Variants in WDPCP observed in about 807,000 individuals in gnomAD.
WDPCP encodes WD repeat-containing and planar cell polarity effector protein fritz homolog.
In WDPCP, 71 loss-of-function variants were observed where a neutral mutation model predicts 93.1. That is an observed-to-expected ratio of 0.76 (90% confidence interval 0.63 to 0.93). The LOEUF (loss-of-function observed/expected upper bound fraction) is 0.93, where lower values mean the gene tolerates loss of function less well. WDPCP is among the 40% of genes least tolerant of loss of function. WDPCP has a pLI of 0.00. For missense variants in WDPCP, 844 were observed against 887.4 expected (o/e 0.95, Z 0.62); for synonymous variants, 315 against 315.0 (o/e 1.00, Z 0.00).
At chr2:63,451,790 A>C (rs1158912812) in intron 6 of WDPCP, among the ~76,000 whole-genome samples, 1 of 152,254 alleles carries the variant, frequency 6.6e-6, no homozygotes, top group Non-Finnish European at 1.5e-5. Flanking sequence ...CTGGTTCAAC[A>C]TATGCAAATC....
intron 10 of WDPCP, among the ~76,000 whole-genome samples, chr2:63,391,172 C>T (rs1693210596): frequency 1.3e-5 from 2 of 152,188 alleles, no homozygotes; most frequent in African/African-American, 4.8e-5. Context: ...TCCAGCAGCA[C>T]ATCAAAAAAG....
At chr2:63,369,457 C>A in intron 12 of WDPCP, 1 of 456,538 alleles carries the variant, frequency 2.2e-6, no homozygotes, top group Non-Finnish European at 4.4e-6. Flanking sequence ...GGTCCTCACT[C>A]ACTGAATAAA....
Position 63,310,063 on chromosome 2 carries a change from G to A in WDPCP, c.1812+3185C>T, listed in dbSNP as rs115726614. Among the ~76,000 whole-genome samples, 1,297 of 152,162 alleles carry A rather than the reference G, an allele frequency of 8.5e-3. 9 individuals carry two copies. Among genetic ancestry groups the A allele is most frequent in the Non-Finnish European group, 0.012 (825 of 68,000 alleles). Reference sequence around the variant, plus strand: ...AAATGTATAAACAATGTAAAGTGAAGTACTACCTAAATATTTGAAAAGTGA... The same window carrying A: ...AAATGTATAAACAATGTAAAGTGAAATACTACCTAAATATTTGAAAAGTGA... On this transcript the variant is annotated intron_variant, in intron 13 of 17. Coordinates refer to ENST00000272321, the MANE Select transcript of WDPCP (RefSeq NM_015910.7).
chr2:63,462,452 A>G (rs1279230980), intron 6 of WDPCP, among the ~76,000 whole-genome samples: 5 of 152,230 alleles, frequency 3.3e-5, no homozygotes, highest in Non-Finnish European at 5.9e-5. Flanking sequence ...ATACATATGC[A>G]ACAAACCTGC....
intron 15 of WDPCP, among the ~76,000 whole-genome samples, chr2:63,173,728 G>C (rs1302496754): frequency 2.6e-5 from 4 of 152,184 alleles, no homozygotes; most frequent in Non-Finnish European, 5.9e-5. Context: ...TTCTTGGGGA[G>C]AGGATTTGCT....
chr2:63,422,116 G>T (rs569586641), intron 9 of WDPCP, among the ~76,000 whole-genome samples: 3 of 152,124 alleles, frequency 2.0e-5, no homozygotes, highest in African/African-American at 7.2e-5. Context: ...TGACTCAGGC[G>T]TAAAATACCA....
chr2:63,362,355 T>A (rs1292015072), intron 12 of WDPCP, among the ~76,000 whole-genome samples: 1 of 131,570 alleles, frequency 7.6e-6, no homozygotes, highest in Non-Finnish European at 1.6e-5. Flanking sequence ...AAGAGGCAGA[T>A]TATCTGGAAA....
chr2:63,775,207 C>T (rs555418617), intron 2 of WDPCP, among the ~76,000 whole-genome samples: 13 of 152,186 alleles, frequency 8.5e-5, no homozygotes, highest in African/African-American at 3.1e-4. Context: ...GATTATTTAC[C>T]CTTTCTTATA....
At chr2:63,317,140 C>T (rs1575126335) in intron 12 of WDPCP, among the ~76,000 whole-genome samples, 1 of 152,060 alleles carries the variant, frequency 6.6e-6, no homozygotes, top group African/African-American at 2.4e-5. Context: ...TTATTCCTAT[C>T]CAACTACTAC....
At chr2:63,264,268 TG>T (rs1385591613) in intron 13 of WDPCP, among the ~76,000 whole-genome samples, 1 of 152,166 alleles carries the variant, frequency 6.6e-6, no homozygotes, top group African/African-American at 2.4e-5. Context: ...TGAAAGTAAA[TG>T]GATGGGAAAA....
At chr2:63,796,766 A>T (rs1558912924) in intron 2 of WDPCP, among the ~76,000 whole-genome samples, 1 of 152,228 alleles carries the variant, frequency 6.6e-6, no homozygotes, top group African/African-American at 2.4e-5. Context: ...AAGGCAGTCT[A>T]GGCCGCAAGG....
intron 1 of WDPCP, among the ~76,000 whole-genome samples, chr2:63,533,716 A>T (rs1407293334): frequency 2.0e-5 from 3 of 152,242 alleles, no homozygotes. Flanking sequence ...AGCAGTGTGT[A>T]GAGGGAAATT....
chr2:63,143,427 G>C (rs1341177887), intron 17 of WDPCP, among the ~76,000 whole-genome samples: 1 of 152,168 alleles, frequency 6.6e-6, no homozygotes, highest in Non-Finnish European at 1.5e-5. Context: ...TTCAATGTTA[G>C]TATTGAAATA....
Position 63,395,874 on chromosome 2 carries a change from T to C in WDPCP, c.1435+8174A>G, listed in dbSNP as rs573298052. On this transcript the variant is annotated intron_variant, in intron 10 of 17. Transcript: ENST00000272321. ...TTCTGAGTAGCTGGGATTACAGGTA[T>C]GTGCCACCATACCCAGGTAATTTTT... is the stretch of plus-strand genomic sequence containing the variant. Among the ~76,000 whole-genome samples the C allele has an allele frequency of 1.1e-4, 17 of 152,202 alleles. No homozygotes were observed. The South Asian group carries it at 2.7e-3, about 24-fold the overall frequency.
chr2:63,334,098 T>C (rs902794250), intron 12 of WDPCP, among the ~76,000 whole-genome samples: 1 of 152,208 alleles, frequency 6.6e-6, no homozygotes, highest in African/African-American at 2.4e-5. Flanking sequence ...AATTTGTACA[T>C]TACTTTGTTT....
At chr2:63,134,404 A>T (rs1163244037) in intron 17 of WDPCP, among the ~76,000 whole-genome samples, 1 of 152,256 alleles carries the variant, frequency 6.6e-6, no homozygotes, top group Admixed American at 6.5e-5. Context: ...AAGGAAATAA[A>T]AATTAAATTC....
intron 15 of WDPCP, among the ~76,000 whole-genome samples, chr2:63,154,849 G>T (rs539626886): frequency 2.0e-5 from 3 of 152,108 alleles, no homozygotes; most frequent in Non-Finnish European, 4.4e-5. Flanking sequence ...ATTCTAATAG[G>T]TGTACAGAGG....
intron 13 of WDPCP, among the ~76,000 whole-genome samples, chr2:63,296,511 A>G (rs192372905): frequency 6.6e-6 from 1 of 152,338 alleles, no homozygotes; most frequent in Non-Finnish European, 1.5e-5. Flanking sequence ...AACTATCTCT[A>G]TTCACTGATT....
At position 63,616,816 on chromosome 2, in the gene WDPCP, G is replaced by A. The variant is rs1239720193; in HGVS notation, n.488+33843C>T. Reference sequence around the variant, plus strand: ...GGACTAAATAAAATTACAATCCATAGAAGGATTTTAAAGCTAGAAGAAACT... The same window carrying A: ...GGACTAAATAAAATTACAATCCATAAAAGGATTTTAAAGCTAGAAGAAACT... On this transcript the variant is annotated intron_variant and non_coding_transcript_variant, in intron 3 of 4. Transcript: ENST00000467687. Among the ~76,000 whole-genome samples the A allele has an allele frequency of 3.3e-5, 5 of 152,112 alleles. No homozygotes were observed. The East Asian group carries it at 9.6e-4, about 29-fold the overall frequency.
Sources: allele counts gnomAD v4.1 joint callset (sites outside exome capture counted in the v4.1 genomes callset), GRCh38; gene constraint gnomAD v4.1.1; transcripts MANE v1.5; gene names NCBI Gene and HGNC (gene_info 2026-07-23, HGNC 2026-07-21).